The following ARHGAP42 variants were observed in gnomAD, a reference collection of about 807,000 sequenced individuals.
ARHGAP42 encodes Rho GTPase activating protein 42.
In ARHGAP42, 63 loss-of-function variants were observed where a neutral mutation model predicts 125.0. That is an observed-to-expected ratio of 0.50 (90% CI 0.41 to 0.62). The LOEUF (loss-of-function observed/expected upper bound fraction) is 0.62. Ranked by LOEUF, ARHGAP42 falls within the 20% of genes least tolerant of loss-of-function variation. The pLI is 0.00. For synonymous variants in ARHGAP42, 339 were observed against 351.0 expected (o/e 0.97, Z 0.38); for missense variants, 766 against 1,024.2 (o/e 0.75, Z 3.44).
chr11:100,929,811 T>C (rs1158681887), intron 6 of ARHGAP42, among the ~76,000 whole-genome samples: 1 of 152,254 alleles, frequency 6.6e-6, no homozygotes, highest in Non-Finnish European at 1.5e-5. Context: ...AAGCCCCTTA[T>C]GGGATAAATG....
intron 10 of ARHGAP42, among the ~76,000 whole-genome samples, chr11:100,948,206 T>C (rs1164786013): frequency 6.6e-6 from 1 of 152,086 alleles, no homozygotes; most frequent in African/African-American, 2.4e-5. Context: ...GACTGTCCTG[T>C]ACCAAAAACA....
At chr11:100,975,102 A>G (rs1858354948) in intron 19 of ARHGAP42, among the ~76,000 whole-genome samples, 1 of 152,200 alleles carries the variant, frequency 6.6e-6, no homozygotes, top group African/African-American at 2.4e-5. Context: ...CATGGCACAC[A>G]TTAAACTGTG....
Position 100,976,131 on chromosome 11 carries a change from C to T in ARHGAP42, c.1930C>T (p.Gln644Ter). The change falls in exon 20 of 24, where the codon CAA (glutamine) becomes TAA (stop). Residue 644 changes from glutamine to a stop codon, truncating the protein, a stop_gained. Transcript: ENST00000298815. LOFTEE classifies it high-confidence loss of function. The part of the protein sequence containing the change: ...IESLSSHSSE[Q>*]NSTTKSASCQ... ...GTCACTCTCTTCTCATTCCTCTGAA[C>T]AAAATAGCACTACAAAGTCAGCTTC... 1 of 1,551,486 alleles carries T rather than the reference C, an allele frequency of 6.4e-7. No homozygotes were observed.
At chr11:100,777,560 G>T (rs529681937) in intron 2 of ARHGAP42, among the ~76,000 whole-genome samples, 3 of 152,278 alleles carry the variant, frequency 2.0e-5, no homozygotes, top group South Asian at 2.1e-4. Flanking sequence ...TGAGAAATAG[G>T]AATATAGTCT....
chr11:100,797,678 G>A (rs1369804554), intron 3 of ARHGAP42, among the ~76,000 whole-genome samples: 1 of 152,038 alleles, frequency 6.6e-6, no homozygotes, highest in Non-Finnish European at 1.5e-5. Context: ...AGCTATGATG[G>A]AGATGTGCAA....
rs1384655603 is a variant in ARHGAP42, at chr11:100,875,107, C to CTCTGTG, written c.384+15483_384+15484insCTGTGT. 9.5e-3 allele frequency among the ~76,000 whole-genome samples: 780 copies of CTCTGTG among 82,214 alleles called. 6 individuals are homozygous for CTCTGTG. Among genetic ancestry groups the CTCTGTG allele is most frequent in the Non-Finnish European group, 0.015 (614 of 41,172 alleles). 53.9% of individuals were successfully genotyped at this position (82,214 alleles called of 152,430 possible). On this transcript the variant is annotated intron_variant, in intron 4 of 23. Coordinates refer to ENST00000298815, the MANE Select transcript of ARHGAP42 (RefSeq NM_152432.4). ...TCTCTCTCTCTCTCTCTCTCTCTCT[C>CTCTGTG]TGTGTGTGTGTGTGTGTGTGTGTGT...
At chr11:100,923,592 C>T (rs1391814126) in intron 6 of ARHGAP42, among the ~76,000 whole-genome samples, 1 of 152,042 alleles carries the variant, frequency 6.6e-6, no homozygotes, top group Non-Finnish European at 1.5e-5. Flanking sequence ...GAAGGAATGA[C>T]AAGAATTTAT....
At chr11:100,932,329 T>C (rs1867608292) in intron 6 of ARHGAP42, among the ~76,000 whole-genome samples, 1 of 152,180 alleles carries the variant, frequency 6.6e-6, no homozygotes, top group African/African-American at 2.4e-5. Flanking sequence ...TTTCTAACTT[T>C]ATTGCAGGAA....
At chr11:100,909,877 T>A (rs966273681) in intron 4 of ARHGAP42, among the ~76,000 whole-genome samples, 10 of 152,242 alleles carry the variant, frequency 6.6e-5, no homozygotes, top group Non-Finnish European at 1.3e-4. Flanking sequence ...CTTTGTGATA[T>A]GCCTACAGTC....
chr11:100,722,608 C>A (rs910910634), intron 1 of ARHGAP42, among the ~76,000 whole-genome samples: 1 of 152,044 alleles, frequency 6.6e-6, no homozygotes, highest in Non-Finnish European at 1.5e-5. Flanking sequence ...AGGCTAGTCT[C>A]GAACTCCTGA....
intron 1 of ARHGAP42, among the ~76,000 whole-genome samples, chr11:100,713,263 C>T (rs1861595277): frequency 6.6e-6 from 1 of 152,186 alleles, no homozygotes; most frequent in South Asian, 2.1e-4. Context: ...GACAGTCCCT[C>T]ATAGGAAAAT....
chr11:100,988,057 G>A lies in ARHGAP42; in HGVS notation c.2536+465G>A, dbSNP rs146696674. On this transcript the variant is annotated intron_variant, in intron 23 of 23. Transcript: ENST00000298815. ...GCAGGAGAATGGCTTGAACCAGGGA[G>A]GCGGAGGTTGCAGTGAGCTGAGATG... 7.1e-3 allele frequency among the ~76,000 whole-genome samples: 1,084 copies of A among 152,242 alleles called. 17 individuals carry two copies. Among genetic ancestry groups the A allele is most frequent in the African/African-American group, 0.024 (1,014 of 41,548 alleles).
intron 3 of ARHGAP42, among the ~76,000 whole-genome samples, chr11:100,846,631 A>G (rs74799765): frequency 3.8e-4 from 58 of 152,206 alleles, no homozygotes; most frequent in African/African-American, 1.3e-3. Context: ...AGACGTAAGC[A>G]TTTTCTCAAA....
In ARHGAP42 at chr11:100,936,472, A is replaced by G. The variant is rs1867741911; in HGVS notation, c.832+140A>G. ...TATCTACTTTCCCCCCACCACAACC[A>G]AAGTGAGGACGTTTTTCCGCATTTT... On this transcript the variant is annotated intron_variant, in intron 8 of 23. Transcript: ENST00000298815. 11 of 1,194,574 alleles carry G rather than the reference A, an allele frequency of 9.2e-6. No individual in the cohort carries two copies. The Admixed American group carries it at 2.0e-4, about 22-fold the overall frequency. 74.0% of individuals were successfully genotyped at this position (1,194,574 alleles called of 1,614,324 possible). A position where few individuals can be genotyped will look rare whatever the true frequency, so the allele number is the denominator to read the frequency against.
chr11:100,714,805 A>G (rs11224403), intron 1 of ARHGAP42, among the ~76,000 whole-genome samples: 83,974 of 151,704 alleles, frequency 0.55, 24,157 homozygotes, highest in African/African-American at 0.73. Context: ...TGAAGTGAGT[A>G]GATCATTTCA....
chr11:100,799,129 T>A (rs1470627150), intron 3 of ARHGAP42, among the ~76,000 whole-genome samples: 1 of 152,242 alleles, frequency 6.6e-6, no homozygotes. Context: ...AATGGGAGAA[T>A]TCCCAGAAGT....
At chr11:100,929,562 T>C (rs1555026220) in intron 6 of ARHGAP42, among the ~76,000 whole-genome samples, 2 of 152,212 alleles carry the variant, frequency 1.3e-5, no homozygotes, top group Non-Finnish European at 2.9e-5. Context: ...TCCATGTCCC[T>C]CACACACACT....
In ARHGAP42 at chr11:100,773,202, C is replaced by G. The variant is rs374333057; in HGVS notation, c.250+2764C>G. Among the ~76,000 whole-genome samples, 12 of 150,994 alleles carry G rather than the reference C, an allele frequency of 7.9e-5. No individual in the cohort carries two copies. In the South Asian group the frequency reaches 1.0e-3, roughly 13 times the overall value. On this transcript the variant is annotated intron_variant, in intron 2 of 23. Transcript: ENST00000298815. ...AAGCCAGATTTTTTTCTTTTTCAAC[C>G]CTTTTAGCCTTAGCGCTTGACCCAG...
In ARHGAP42 at chr11:100,990,148, C is replaced by T. The variant is rs1387163785; in HGVS notation, c.*1347C>T. On this transcript the variant is annotated 3_prime_UTR_variant, in exon 24 of 24. Coordinates refer to ENST00000298815, the MANE Select transcript of ARHGAP42 (RefSeq NM_152432.4). ...TATATTATTTCTATAAATGTAATAT[C>T]TGTATGTGGCAAAGAGCCTTTCTTC... is the stretch of plus-strand genomic sequence containing the variant. 1 of 152,106 alleles carries T rather than the reference C, an allele frequency of 6.6e-6. No homozygotes were observed. The highest frequency in any genetic ancestry group is 1.5e-5 in the Non-Finnish European group (1 of 68,012). 9.4% of individuals were successfully genotyped at this position (152,106 alleles called of 1,614,324 possible). A position where few individuals can be genotyped will look rare whatever the true frequency, so the allele number is the denominator to read the frequency against.
Sources: allele counts gnomAD v4.1 joint callset (sites outside exome capture counted in the v4.1 genomes callset), GRCh38; gene constraint gnomAD v4.1.1; transcripts MANE v1.5; gene names NCBI Gene and HGNC (gene_info 2026-07-23, HGNC 2026-07-21).